The following PLCH1 variants were observed in gnomAD, a reference collection of about 807,000 sequenced individuals.
PLCH1 encodes the protein 1-phosphatidylinositol 4,5-bisphosphate phosphodiesterase eta-1.
PLCH1 carries 60 observed loss-of-function variants against 126.7 expected under a neutral mutation model. The ratio of observed to expected loss-of-function variants is 0.47; its 90% CI spans 0.38 to 0.59. The LOEUF (loss-of-function observed/expected upper bound fraction) is 0.59. Among genes scored for constraint, PLCH1 ranks in the 20% least tolerant of loss-of-function variants. The pLI is 0.00. For missense variants in PLCH1, 1,723 were observed against 2,040.0 expected (o/e 0.84, Z 2.99); for synonymous variants, 719 against 734.9 (o/e 0.98, Z 0.35).
chr3:155,669,978 C>A (rs1004431198), intron 2 of PLCH1, among the ~76,000 whole-genome samples: 2 of 152,024 alleles, frequency 1.3e-5, no homozygotes, highest in African/African-American at 4.8e-5. Flanking sequence ...CTACATGTAC[C>A]AACACCTCTG....
At chr3:155,473,166 A>T (rs1490713935) in intron 21 of PLCH1, among the ~76,000 whole-genome samples, 5 of 150,392 alleles carry the variant, frequency 3.3e-5, no homozygotes, top group Admixed American at 1.3e-4. Flanking sequence ...ACATGATTGT[A>T]TATCTAGAAA....
chr3:155,483,004 G>A lies in PLCH1; in HGVS notation c.3022C>T (p.Pro1008Ser), dbSNP rs774779319. 17 of 1,613,770 alleles carry A rather than the reference G, an allele frequency of 1.1e-5. No homozygotes were observed. Among genetic ancestry groups the A allele is most frequent in the Non-Finnish European group, 1.4e-5 (17 of 1,179,876 alleles). ...TTTTTGTTGAAATTTAGAAAATGTG[G>A]ATCTTTTATACTTGCTTTCCCTTTT... ...RRKGKASIKD[P>S]HFLNFNKKLS... Residue 1008 changes from proline to serine, a missense_variant, in exon 23 of 23, where the codon CCA becomes TCA. This residue lies in a region of PLCH1 where 947 missense variants were observed against 977.1 expected (regional missense o/e 0.97). Coordinates refer to ENST00000460012, the MANE Select transcript of PLCH1 (RefSeq NM_014996.4).
At chr3:155,645,058 T>C (rs1455172189) in intron 2 of PLCH1, among the ~76,000 whole-genome samples, 1 of 152,174 alleles carries the variant, frequency 6.6e-6, no homozygotes, top group Non-Finnish European at 1.5e-5. Context: ...CGAGACAGAA[T>C]AGAGAGGGAA....
chr3:155,483,190 G>T, intron 22 of PLCH1, 139 bp from the exon 23 acceptor site: 1 of 958,036 alleles, frequency 1.0e-6, no homozygotes, highest in Non-Finnish European at 1.6e-6. Flanking sequence ...GATTGCATAG[G>T]TTTGCAACAA....
At chr3:155,705,565 G>A (rs752190376) in intron 1 of PLCH1, among the ~76,000 whole-genome samples, 1 of 152,098 alleles carries the variant, frequency 6.6e-6, no homozygotes, top group Non-Finnish European at 1.5e-5. Flanking sequence ...ATACTACAAA[G>A]TTCTCTTCTT....
At chr3:155,554,041 G>A (rs772752893) in intron 9 of PLCH1, 35 bp downstream of exon 9, 2 of 1,607,740 alleles carry the variant, frequency 1.2e-6, no homozygotes, top group East Asian at 2.2e-5. Flanking sequence ...CATGCGGGAG[G>A]CTACCGCTTA....
chr3:155,585,237 T>G (rs1324447725), intron 5 of PLCH1, among the ~76,000 whole-genome samples: 2 of 152,150 alleles, frequency 1.3e-5, no homozygotes, highest in African/African-American at 4.8e-5. Context: ...ACATACCCCA[T>G]GTTGTCTCTG....
intron 2 of PLCH1, among the ~76,000 whole-genome samples, chr3:155,653,902 C>G (rs1056726520): frequency 1.3e-5 from 2 of 151,948 alleles, no homozygotes; most frequent in African/African-American, 2.4e-5. Context: ...GATCCTATAT[C>G]CCTCCCTAGT....
intron 3 of PLCH1, among the ~76,000 whole-genome samples, chr3:155,595,920 C>T (rs1381568348): frequency 6.6e-6 from 1 of 151,990 alleles, no homozygotes; most frequent in Non-Finnish European, 1.5e-5. Context: ...TATAATGTCC[C>T]TCACCTTTTA....
At chr3:155,453,699 T>G (rs2107966311) in intron 21 of PLCH1, among the ~76,000 whole-genome samples, 1 of 151,786 alleles carries the variant, frequency 6.6e-6, no homozygotes, top group East Asian at 2.0e-4. Flanking sequence ...TTATTTTGTT[T>G]CTATATAAAT....
At chr3:155,688,110 A>G (rs1745092151) in intron 2 of PLCH1, among the ~76,000 whole-genome samples, 3 of 152,208 alleles carry the variant, frequency 2.0e-5, no homozygotes, top group Admixed American at 2.0e-4. Context: ...GGATGCCACT[A>G]GGCAAGGAGA....
downstream of PLCH1, among the ~76,000 whole-genome samples, chr3:155,477,321 AG>A (rs1713585979): frequency 6.6e-6 from 1 of 152,148 alleles, no homozygotes; most frequent in Non-Finnish European, 1.5e-5. Flanking sequence ...GGAAATTTCC[AG>A]GACATTGGTC....
intron 21 of PLCH1, among the ~76,000 whole-genome samples, chr3:155,455,883 A>G (rs1712428906): frequency 6.6e-6 from 1 of 152,366 alleles, no homozygotes; most frequent in Admixed American, 6.5e-5. Context: ...TGATGAAAGC[A>G]CAATCACAAA....
chr3:155,568,473 T>C (rs749789896), intron 6 of PLCH1, 149 bp from the exon 7 acceptor site: 4 of 445,310 alleles, frequency 9.0e-6, no homozygotes, highest in Non-Finnish European at 1.6e-5. Context: ...CACAGCTATT[T>C]TATCTTTGGA....
chr3:155,737,231 CAAAA>C (rs557369057), intron 1 of PLCH1, among the ~76,000 whole-genome samples: 3 of 59,518 alleles, frequency 5.0e-5, no homozygotes, highest in Non-Finnish European at 9.7e-5. Flanking sequence ...GCCTCCGTCT[CAAAA>C]AAAAAAAAAA....
At chr3:155,728,183 T>C (rs967483827) in intron 1 of PLCH1, among the ~76,000 whole-genome samples, 2 of 152,202 alleles carry the variant, frequency 1.3e-5, no homozygotes, top group South Asian at 4.1e-4. Context: ...TCCAGAATTT[T>C]TAAATGGTAT....
At chr3:155,615,096 C>CA (rs1023924329) in intron 2 of PLCH1, among the ~76,000 whole-genome samples, 1 of 151,840 alleles carries the variant, frequency 6.6e-6, no homozygotes, top group Non-Finnish European at 1.5e-5. Context: ...AAGAAAAAAA[C>CA]AAAAAATCCT....
chr3:155,624,615 C>G (rs866556928), intron 2 of PLCH1, among the ~76,000 whole-genome samples: 1 of 145,668 alleles, frequency 6.9e-6, no homozygotes, highest in Non-Finnish European at 1.5e-5. Context: ...AACAGAGAGC[C>G]AAACCATGAG....
At chr3:155,466,372 T>C (rs1712931816) in intron 21 of PLCH1, among the ~76,000 whole-genome samples, 1 of 152,198 alleles carries the variant, frequency 6.6e-6, no homozygotes, top group Admixed American at 6.5e-5. Flanking sequence ...TTCTCCTGGA[T>C]CTTGTCCAAA....
Sources: gnomAD v4.1 joint callset for allele counts (sites outside exome capture counted in the v4.1 genomes callset) on GRCh38, gnomAD v4.1.1 for gene constraint, gnomAD v4.1.1 regional missense constraint, MANE v1.5 for transcripts, NCBI Gene and HGNC (gene_info 2026-07-23, HGNC 2026-07-21) for gene names.